Variants in XKR6 observed in about 807,000 individuals in gnomAD.
XKR6 encodes the protein XK-related protein 6.
Under a neutral mutation model 56.7 loss-of-function variants are expected in XKR6, and 22 were observed. The ratio of observed to expected loss-of-function variants is 0.39; its 90% confidence interval spans 0.28 to 0.55. The LOEUF (loss-of-function observed/expected upper bound fraction) is 0.55. Ranked by LOEUF, XKR6 falls within the 20% of genes least tolerant of loss-of-function variation. The probability of loss-of-function intolerance (pLI) is 0.66; values close to 1 mark genes in which losing one functional copy is unlikely to be tolerated. For synonymous variants in XKR6, 524 were observed against 387.8 expected, an observed-to-expected ratio of 1.35 and a Z score of -4.13; for missense variants, 852 against 889.0, an observed-to-expected ratio of 0.96 and a Z score of 0.53.
chr8:10,949,324 C>T (rs980818865), intron 1 of XKR6, among the ~76,000 whole-genome samples: 1 of 152,250 alleles, frequency 6.6e-6, no homozygotes, highest in Non-Finnish European at 1.5e-5. Flanking sequence ...AGAAGGCCTG[C>T]CCTTGGTGAC....
chr8:11,045,778 G>A (rs75777827), intron 1 of XKR6, among the ~76,000 whole-genome samples: 1 of 152,180 alleles, frequency 6.6e-6, no homozygotes, highest in African/African-American at 2.4e-5. Context: ...CACAGAGGCA[G>A]TGCACTGGTG....
intron 1 of XKR6, among the ~76,000 whole-genome samples, chr8:11,152,225 G>A (rs1468245389): frequency 3.3e-5 from 5 of 152,134 alleles, no homozygotes; most frequent in Admixed American, 6.6e-5. Flanking sequence ...TACAGGCTGT[G>A]GGGAAGTGTA....
chr8:11,082,564 C>G (rs1797760997), intron 1 of XKR6, among the ~76,000 whole-genome samples: 1 of 152,234 alleles, frequency 6.6e-6, no homozygotes, highest in African/African-American at 2.4e-5. Context: ...TTACATGCTT[C>G]TTTGAGGTGG....
intron 1 of XKR6, among the ~76,000 whole-genome samples, chr8:10,937,163 G>A (rs1295946529): frequency 6.8e-4 from 64 of 93,572 alleles, no homozygotes; most frequent in South Asian, 1.4e-3. Context: ...ATCTTCCATC[G>A]CTGATACCCT....
At chr8:11,186,189 C>G (rs73198975) in intron 1 of XKR6, among the ~76,000 whole-genome samples, 14,353 of 151,928 alleles carry the variant, frequency 0.094, 1,231 homozygotes, top group East Asian at 0.39. Flanking sequence ...CATGCCCCCC[C>G]ATCCCCATCC....
intron 2 of XKR6, among the ~76,000 whole-genome samples, chr8:10,918,600 G>C (rs1262829793): frequency 6.6e-6 from 1 of 152,206 alleles, no homozygotes; most frequent in African/African-American, 2.4e-5. Context: ...ACAGGTTTTA[G>C]AGAAGGACTC....
chr8:11,191,014 G>T (rs535744529), intron 1 of XKR6, among the ~76,000 whole-genome samples: 1 of 152,130 alleles, frequency 6.6e-6, no homozygotes, highest in Non-Finnish European at 1.5e-5. Flanking sequence ...CTCACCTCAA[G>T]TTTACTGCAA....
At chr8:11,149,532 C>G (rs561179557) in intron 1 of XKR6, among the ~76,000 whole-genome samples, 2 of 151,984 alleles carry the variant, frequency 1.3e-5, no homozygotes, top group Non-Finnish European at 2.9e-5. Context: ...TAAAATCATA[C>G]TGCATCATAC....
intron 1 of XKR6, chr8:11,124,439 G>C (rs1174834593): frequency 4.9e-5 from 8 of 164,576 alleles, no homozygotes; most frequent in Admixed American, 4.6e-4. Context: ...TTTTGAAGTA[G>C]AGAAGTCACA....
chr8:11,178,265 G>A (rs376515338), intron 1 of XKR6, among the ~76,000 whole-genome samples: 2 of 152,086 alleles, frequency 1.3e-5, no homozygotes, highest in African/African-American at 2.4e-5. Context: ...AATCAGCTCC[G>A]GATGGAACTG....
chr8:11,045,075 C>CTTTTTTTTTT (rs5889356), intron 1 of XKR6, among the ~76,000 whole-genome samples: 2 of 36,000 alleles, frequency 5.6e-5, no homozygotes, highest in African/African-American at 1.0e-4. Flanking sequence ...TCAAATCACT[C>CTTTTTTTTTT]TTTTTTTTTT....
At chr8:11,005,644 G>C (rs9329232) in intron 1 of XKR6, among the ~76,000 whole-genome samples, 1 of 151,856 alleles carries the variant, frequency 6.6e-6, no homozygotes, top group African/African-American at 2.4e-5. Context: ...CGATGTGTTC[G>C]TTAAGGAAAA....
At chr8:11,184,409 A>G (rs1243569678) in intron 1 of XKR6, among the ~76,000 whole-genome samples, 1 of 151,348 alleles carries the variant, frequency 6.6e-6, no homozygotes, top group East Asian at 1.9e-4. Flanking sequence ...ACACACACAC[A>G]CACACACACA....
At chr8:11,044,584 T>A (rs889163821) in intron 1 of XKR6, among the ~76,000 whole-genome samples, 1 of 151,960 alleles carries the variant, frequency 6.6e-6, no homozygotes, top group Non-Finnish European at 1.5e-5. Context: ...TTCCCTCAGA[T>A]CATCCTCCCA....
intron 1 of XKR6, among the ~76,000 whole-genome samples, chr8:11,033,769 G>T (rs917304474): frequency 1.4e-4 from 21 of 152,168 alleles, no homozygotes; most frequent in African/African-American, 4.8e-4. Context: ...GAATTATGCA[G>T]ATACCCAGGT....
chr8:10,925,149 T>A (rs1312498215), intron 1 of XKR6, among the ~76,000 whole-genome samples: 1 of 151,924 alleles, frequency 6.6e-6, no homozygotes, highest in Non-Finnish European at 1.5e-5. Context: ...GGCCTGCAGG[T>A]AGGCATCTCA....
intron 1 of XKR6, among the ~76,000 whole-genome samples, chr8:11,008,417 G>A (rs796702041): frequency 1.7e-4 from 18 of 107,952 alleles, no homozygotes; most frequent in Non-Finnish European, 3.2e-4. Flanking sequence ...GGCTCCCCAG[G>A]CTTTTTTTTT....
intron 1 of XKR6, among the ~76,000 whole-genome samples, chr8:11,148,719 G>A (rs1362008821): frequency 2.6e-5 from 4 of 152,258 alleles, no homozygotes. Flanking sequence ...ACAAAGACTT[G>A]TACACAAATG....
intron 1 of XKR6, among the ~76,000 whole-genome samples, chr8:11,040,779 G>A (rs981738790): frequency 6.6e-6 from 1 of 152,150 alleles, no homozygotes; most frequent in African/African-American, 2.4e-5. Flanking sequence ...AGCACATGGG[G>A]TTAGGATGTC....
Sources: gnomAD v4.1 joint callset for allele counts (sites outside exome capture counted in the v4.1 genomes callset) on GRCh38, gnomAD v4.1.1 for gene constraint, MANE v1.5 for transcripts, NCBI Gene and HGNC (gene_info 2026-07-23, HGNC 2026-07-21) for gene names.